The following RETREG3 variants were observed in gnomAD, a reference collection of about 807,000 sequenced individuals.
RETREG3 encodes the protein reticulophagy regulator family member 3, also known as reticulophagy regulator 3.
RETREG3 carries 23 observed loss-of-function variants against 50.2 expected under a neutral mutation model. The ratio of observed to expected loss-of-function variants is 0.46; its 90% confidence interval spans 0.33 to 0.65. RETREG3 has a LOEUF of 0.65. RETREG3 is among the 30% of genes least tolerant of loss of function. RETREG3 has a pLI of 0.02. For synonymous variants in RETREG3, 240 were observed against 234.4 expected, an observed-to-expected ratio of 1.02 and a Z score of -0.22; for missense variants, 546 against 598.0, an observed-to-expected ratio of 0.91 and a Z score of 0.91.
chr17:42,595,330 C>T (rs2093141938), intron 1 of RETREG3, among the ~76,000 whole-genome samples: 1 of 151,656 alleles, frequency 6.6e-6, no homozygotes, highest in African/African-American at 2.4e-5. Context: ...TGGTCTTGAA[C>T]TCCCTGACCT....
rs981244169 is a variant in RETREG3 at position 42,580,666 on chromosome 17, G to A, written c.*1147C>T. On this transcript the variant is annotated 3_prime_UTR_variant, in exon 9 of 9. Coordinates refer to ENST00000309428, the MANE Select transcript of RETREG3 (RefSeq NM_178126.4). ...CAATACTTTGGACCACTGGGGTTCA[G>A]GCCCCAAGAAATGATGGGCTAGATG... 6 of 152,426 alleles carry A rather than the reference G, an allele frequency of 3.9e-5. No homozygotes were observed. The highest frequency in any genetic ancestry group is 7.4e-5 in the Non-Finnish European group (5 of 68,018). The allele number at this position is 152,426 out of a possible 1,614,324, so 9.4% of individuals were successfully genotyped here.
chr17:42,590,400 G>A (rs1050035534), intron 2 of RETREG3, among the ~76,000 whole-genome samples: 6 of 152,088 alleles, frequency 3.9e-5, no homozygotes, highest in Admixed American at 1.3e-4. Context: ...GGCTGGGCGC[G>A]GTGACTCACG....
chr17:42,608,953 G>T, intron 1 of RETREG3, 133 bp downstream of exon 1: 1 of 857,698 alleles, frequency 1.2e-6, no homozygotes. Flanking sequence ...GGAGTGGAAG[G>T]AGGTGAGGCA....
In RETREG3 at chr17:42,582,035, G is replaced by A. The variant is rs544187519; in HGVS notation, c.1179C>T (p.Leu393=). ...AGACCAGGCTGGCAAGGTTGCTGGT[G>A]AGGTTGGATCCTACAGGAAGAGCAC... ...LLGALPVGSN[L]TSNLASLVSQ... Residue 393 remains leucine (L), a synonymous_variant, in exon 9 of 9, where the codon CTC becomes CTT. Coordinates refer to ENST00000309428, the MANE Select transcript of RETREG3 (RefSeq NM_178126.4). 14 of 1,614,130 alleles carry A rather than the reference G, an allele frequency of 8.7e-6. No homozygotes were observed. The Admixed American group carries it at 2.2e-4, about 25-fold the overall frequency.
In RETREG3 at chr17:42,585,261, A is replaced by G; in HGVS notation, c.591T>C (p.Leu197=). 1 of 1,612,790 alleles carries G rather than the reference A, an allele frequency of 6.2e-7. No individual in the cohort carries two copies. ...VPGLLLSYLM[L]VTVMMWPLAV... ...CAAGGGGCCACATCATGACAGTGACAACTGTGAGGAGGCATGGGAAACAGT... is the reference window on the plus strand; with the variant it reads ...CAAGGGGCCACATCATGACAGTGACGACTGTGAGGAGGCATGGGAAACAGT... The change falls in exon 6 of 9, where the codon CTT becomes CTC. Residue 197 remains leucine, a splice_region_variant and synonymous_variant. Coordinates refer to ENST00000309428, the MANE Select transcript of RETREG3 (RefSeq NM_178126.4).
At chr17:42,588,037 G>A (rs940434016) in intron 2 of RETREG3, among the ~76,000 whole-genome samples, 173 bp from the exon 3 acceptor site, 1 of 152,156 alleles carries the variant, frequency 6.6e-6, no homozygotes, top group African/African-American at 2.4e-5. Flanking sequence ...TGCAGACAAG[G>A]GAATAATCAC....
At chr17:42,595,781 TCC>T (rs2093143054) in intron 1 of RETREG3, among the ~76,000 whole-genome samples, 1 of 149,510 alleles carries the variant, frequency 6.7e-6, no homozygotes, top group African/African-American at 2.5e-5. Context: ...AGATTGATTC[TCC>T]CTGCCTCAGC....
chr17:42,601,857 T>C (rs926599890), intron 1 of RETREG3, among the ~76,000 whole-genome samples: 3 of 151,708 alleles, frequency 2.0e-5, no homozygotes, highest in Non-Finnish European at 4.4e-5. Flanking sequence ...TGGTCTTGAA[T>C]TCCCGACCTT....
chr17:42,609,171 G>A lies in RETREG3; in HGVS notation c.154C>T (p.Leu52=), dbSNP rs773768773. 10 of 1,610,142 alleles carry A rather than the reference G, an allele frequency of 6.2e-6. No individual in the cohort carries two copies. The highest frequency in any genetic ancestry group is 8.5e-6 in the Non-Finnish European group (10 of 1,179,906). The change falls in exon 1 of 9, where the codon CTG becomes TTG. Residue 52 remains leucine (L), a synonymous_variant. Transcript: ENST00000309428. The part of the protein sequence containing the change: ...LVEVLGPYEP[L]LSRVQAALVW... ...AGGGCTGCCTGCACCCGACTCAGCA[G>A]AGGCTCGTAAGGCCCCAGCACCTCC...
rs771517151 is a variant in RETREG3 at position 42,586,040 on chromosome 17, A to T, written c.589+13T>A. ...AGGGTATACTTTGTAGGGGAGGTAT[A>T]TGTCATACTTACGCATCAAGTAGGA... On this transcript the variant is annotated intron_variant, in intron 5 of 8. Transcript: ENST00000309428. The T allele has an allele frequency of 3.1e-6, 5 of 1,613,432 alleles. No individual in the cohort carries two copies. The highest frequency in any genetic ancestry group is 3.4e-6 in the Non-Finnish European group (4 of 1,179,384).
At chr17:42,582,853 G>T (rs770437678) in intron 7 of RETREG3, 47 bp from the exon 8 acceptor site, 1 of 1,612,106 alleles carries the variant, frequency 6.2e-7, no homozygotes, top group Non-Finnish European at 8.5e-7. Flanking sequence ...CAGGAACCAG[G>T]TGTAGTCACC....
chr17:42,594,695 A>AC (rs1296772039), intron 1 of RETREG3, among the ~76,000 whole-genome samples: 1 of 147,308 alleles, frequency 6.8e-6, no homozygotes, highest in East Asian at 2.1e-4. Context: ...TACAAAAAAT[A>AC]AAAAAATTAG....
chr17:42,590,812 C>T (rs2093131696), intron 2 of RETREG3, among the ~76,000 whole-genome samples: 1 of 152,002 alleles, frequency 6.6e-6, no homozygotes, highest in African/African-American at 2.4e-5. Flanking sequence ...AACAAAAATA[C>T]AAAAATTAGC....
intron 1 of RETREG3, among the ~76,000 whole-genome samples, chr17:42,600,935 C>T (rs2093157176): frequency 6.6e-6 from 1 of 152,128 alleles, no homozygotes; most frequent in South Asian, 2.1e-4. Context: ...CATGATCACA[C>T]CACTGCAATC....
Position 42,597,599 on chromosome 17 carries a change from A to T in RETREG3, c.240-5437T>A, listed in dbSNP as rs1182722170. Among the ~76,000 whole-genome samples, 202 of 63,652 alleles carry T rather than the reference A, an allele frequency of 3.2e-3. 6 individuals are homozygous for T. Among genetic ancestry groups the T allele is most frequent in the East Asian group, 7.2e-3 (14 of 1,946 alleles). 41.8% of individuals were successfully genotyped at this position (63,652 alleles called of 152,430 possible). ...TTTGTGTGTATATATATATATATAT[A>T]TATATATATATATATATATATTTTT... On this transcript the variant is annotated intron_variant, in intron 1 of 8. Transcript: ENST00000309428.
intron 1 of RETREG3, among the ~76,000 whole-genome samples, chr17:42,604,966 G>A (rs1228121789): frequency 1.3e-5 from 2 of 151,868 alleles, no homozygotes; most frequent in Non-Finnish European, 2.9e-5. Flanking sequence ...GAAAACACAA[G>A]CTATTGGAAG....
In RETREG3 at chr17:42,582,780, T is replaced by A. The variant is rs746880289; in HGVS notation, c.837A>T (p.Glu279Asp). Reference sequence around the variant, plus strand: ...AGTGCTCAGAGTCTGTGATGGCCAATTCCCTGGCAACAGTAGAATCGTCCA... The same window carrying A: ...AGTGCTCAGAGTCTGTGATGGCCAAATCCCTGGCAACAGTAGAATCGTCCA... ...PQLDDSTVAR[E>D]LAITDSEHSD... The change falls in exon 8 of 9, where the codon GAA (glutamate) becomes GAT (aspartate). Residue 279 changes from glutamate to aspartate, a missense_variant. Coordinates refer to ENST00000309428, the MANE Select transcript of RETREG3 (RefSeq NM_178126.4). The A allele has an allele frequency of 3.6e-5, 58 of 1,614,076 alleles. No individual in the cohort carries two copies. In the South Asian group the frequency reaches 6.3e-4, roughly 17 times the overall value.
intron 1 of RETREG3, among the ~76,000 whole-genome samples, chr17:42,601,161 C>T (rs986862843): frequency 6.6e-6 from 1 of 152,106 alleles, no homozygotes; most frequent in Non-Finnish European, 1.5e-5. Flanking sequence ...CCCGTAATCC[C>T]AGCTACTCAG....
intron 1 of RETREG3, among the ~76,000 whole-genome samples, chr17:42,601,154 G>A (rs1307753207): frequency 1.3e-5 from 2 of 152,134 alleles, no homozygotes; most frequent in Non-Finnish European, 2.9e-5. Flanking sequence ...GCGGGTGCCC[G>A]TAATCCCAGC....
Sources: allele counts gnomAD v4.1 joint callset (sites outside exome capture counted in the v4.1 genomes callset), GRCh38; gene constraint gnomAD v4.1.1; transcripts MANE v1.5; gene names NCBI Gene and HGNC (gene_info 2026-07-23, HGNC 2026-07-21).